The following LRRC20 variants were observed in gnomAD, a reference collection of about 807,000 sequenced individuals.
LRRC20 encodes the protein leucine-rich repeat-containing protein 20.
LRRC20 carries 11 observed loss-of-function variants against 14.4 expected under a neutral mutation model. The observed-to-expected ratio is 0.77, with a 90% confidence interval of 0.48 to 1.27. The LOEUF (loss-of-function observed/expected upper bound fraction) is 1.27, where lower values mean the gene tolerates loss of function less well. Among genes scored for constraint, LRRC20 ranks in the 50% most tolerant of loss-of-function variants. The probability of loss-of-function intolerance (pLI) is 0.00; values close to 1 mark genes in which losing one functional copy is unlikely to be tolerated. For missense variants in LRRC20, 219 were observed against 251.2 expected (o/e 0.87, Z 0.87); for synonymous variants, 121 against 107.3 (o/e 1.13, Z -0.79).
intron 1 of LRRC20, among the ~76,000 whole-genome samples, chr10:70,377,180 C>A (rs1275795642): frequency 6.6e-6 from 1 of 152,170 alleles, no homozygotes; most frequent in East Asian, 1.9e-4. Flanking sequence ...ATTCCTTTCC[C>A]ATGTGCCAAC....
rs558563201 is a variant in LRRC20, at chr10:70,302,750, G to A, written c.401-1242C>T. On this transcript the variant is annotated intron_variant, in intron 4 of 4. Transcript: ENST00000446961. Reference sequence around the variant, plus strand: ...TTTTGAGACGGAGTTTCGCTCTGTCGCCCAGGCTGGAGTGCAGTGGCGCGA... The same window carrying A: ...TTTTGAGACGGAGTTTCGCTCTGTCACCCAGGCTGGAGTGCAGTGGCGCGA... 8.8e-5 allele frequency among the ~76,000 whole-genome samples: 13 copies of A among 147,754 alleles called. No individual in the cohort carries two copies. The East Asian group carries it at 1.2e-3, about 13-fold the overall frequency.
Position 70,324,002 on chromosome 10 carries a change from G to A in LRRC20, c.261C>T (p.His87=), listed in dbSNP as rs757066144. 3 of 1,614,132 alleles carry A rather than the reference G, an allele frequency of 1.9e-6. No homozygotes were observed. The highest frequency in any genetic ancestry group is 2.2e-5 in the East Asian group (1 of 44,884). ...GGGCACTGACCTCGCTGGGGAGGCG[G>A]TGTAGGAAGTTCCCCTCCAGGTGGA... The part of the protein sequence containing the change: ...RELHLEGNFL[H]RLPSEVSALQ... Residue 87 remains histidine (H), a synonymous_variant, in exon 4 of 5, where the codon CAC becomes CAT. Transcript: ENST00000446961.
At chr10:70,338,139 G>A (rs1356511659) in intron 3 of LRRC20, among the ~76,000 whole-genome samples, 2 of 152,162 alleles carry the variant, frequency 1.3e-5, no homozygotes, top group Non-Finnish European at 2.9e-5. Flanking sequence ...AGCTTTTCAG[G>A]CACAAATGCA....
At chr10:70,364,516 C>T (rs1843891648) in intron 2 of LRRC20, among the ~76,000 whole-genome samples, 1 of 152,158 alleles carries the variant, frequency 6.6e-6, no homozygotes, top group Non-Finnish European at 1.5e-5. Context: ...TACTCTTGTT[C>T]AGAAAAGGGG....
intron 3 of LRRC20, among the ~76,000 whole-genome samples, chr10:70,340,137 A>G (rs1211448358): frequency 1.3e-5 from 2 of 151,792 alleles, no homozygotes; most frequent in Non-Finnish European, 2.9e-5. Context: ...AAAAAAAGAA[A>G]AGAAAATGCC....
chr10:70,363,155 G>A, intron 2 of LRRC20, among the ~76,000 whole-genome samples: 1 of 150,924 alleles, frequency 6.6e-6, no homozygotes, highest in Non-Finnish European at 1.5e-5. Flanking sequence ...ATGTGTGCCT[G>A]TAGTCCCAGC....
chr10:70,368,448 C>T (rs985396090), intron 2 of LRRC20, among the ~76,000 whole-genome samples: 5 of 151,844 alleles, frequency 3.3e-5, no homozygotes, highest in Non-Finnish European at 7.4e-5. Flanking sequence ...TGAGCCACCG[C>T]GCCCGGCCAT....
At chr10:70,349,191 C>T (rs561155795) in intron 2 of LRRC20, among the ~76,000 whole-genome samples, 204 of 152,278 alleles carry the variant, frequency 1.3e-3, no homozygotes, top group African/African-American at 4.7e-3. Context: ...ACGTGAGGAC[C>T]GCATCAAGCA....
At chr10:70,326,656 A>T (rs1211563093) in intron 3 of LRRC20, among the ~76,000 whole-genome samples, 2 of 152,060 alleles carry the variant, frequency 1.3e-5, no homozygotes, top group Non-Finnish European at 2.9e-5. Flanking sequence ...AAACCACAGA[A>T]CGCTGCTATC....
intron 2 of LRRC20, among the ~76,000 whole-genome samples, chr10:70,364,072 G>A (rs1843869232): frequency 6.6e-6 from 1 of 152,228 alleles, no homozygotes; most frequent in African/African-American, 2.4e-5. Context: ...AGCCATCTGG[G>A]AGCTGCTGTG....
chr10:70,316,887 T>G (rs921750511), intron 4 of LRRC20, among the ~76,000 whole-genome samples: 1 of 152,192 alleles, frequency 6.6e-6, no homozygotes, highest in Non-Finnish European at 1.5e-5. Flanking sequence ...AGCAAGGGCA[T>G]GCGGGGCAGA....
At chr10:70,354,664 T>C (rs1423584683) in intron 2 of LRRC20, among the ~76,000 whole-genome samples, 1 of 152,136 alleles carries the variant, frequency 6.6e-6, no homozygotes, top group Non-Finnish European at 1.5e-5. Flanking sequence ...AGTAACTGAG[T>C]GCTGGCTGCT....
rs1841121142 is a variant in LRRC20, at chr10:70,300,260, C to T, written c.*1094G>A. ...GGCCCTCTCCTGGTAGGGGACCAAC[C>T]ATCCCCACTTGCTGGGTACTGTCCC... On this transcript the variant is annotated 3_prime_UTR_variant, in exon 5 of 5. Transcript: ENST00000446961. The T allele has an allele frequency of 5.7e-6, 4 of 699,424 alleles. No individual in the cohort carries two copies. The highest frequency in any genetic ancestry group is 6.3e-5 in the Admixed American group (1 of 15,940). 43.3% of individuals were successfully genotyped at this position (699,424 alleles called of 1,614,324 possible).
chr10:70,343,314 G>C (rs1437228145), intron 2 of LRRC20, among the ~76,000 whole-genome samples: 1 of 152,186 alleles, frequency 6.6e-6, no homozygotes, highest in Non-Finnish European at 1.5e-5. Context: ...GTAAGGCAGG[G>C]GTTCCAGTTG....
At chr10:70,361,308 G>A (rs532399062) in intron 2 of LRRC20, among the ~76,000 whole-genome samples, 96 of 152,366 alleles carry the variant, frequency 6.3e-4, no homozygotes, top group Middle Eastern at 3.4e-3. Context: ...AGCACTGTCC[G>A]AGGATATGAT....
Position 70,301,295 on chromosome 10 carries a change from T to C in LRRC20, c.*59A>G. 4 of 1,519,674 alleles carry C rather than the reference T, an allele frequency of 2.6e-6. No individual in the cohort carries two copies. Among genetic ancestry groups the C allele is most frequent in the Non-Finnish European group, 2.7e-6 (3 of 1,129,320 alleles). 94.1% of individuals were successfully genotyped at this position (1,519,674 alleles called of 1,614,324 possible). ...TTGGCCTCCCATGGGCCTCCCTCCC[T>C]TCCAGGGTTCCAGGCCTGTGGCCTC... is the stretch of plus-strand genomic sequence containing the variant. On this transcript the variant is annotated 3_prime_UTR_variant, in exon 5 of 5. Coordinates refer to ENST00000446961, the MANE Select transcript of LRRC20 (RefSeq NM_001278212.2).
intron 4 of LRRC20, among the ~76,000 whole-genome samples, chr10:70,319,876 C>G (rs1842008650): frequency 1.3e-5 from 2 of 152,184 alleles, no homozygotes; most frequent in South Asian, 4.1e-4. Context: ...CAACTGTGTC[C>G]TGGCAGGCCA....
At chr10:70,381,228 TAACTTTTGGGAAAGGACTTTGCG>T (rs1589137816) in intron 1 of LRRC20, among the ~76,000 whole-genome samples, 1 of 152,220 alleles carries the variant, frequency 6.6e-6, no homozygotes, top group African/African-American at 2.4e-5. Context: ...AACTGATATG[TAACTTTTGGGAAAGGACTTTGCG>T]AACCATTACA....
At chr10:70,323,778 C>A in intron 4 of LRRC20, 85 bp downstream of exon 4, 2 of 1,460,740 alleles carry the variant, frequency 1.4e-6, no homozygotes, top group Non-Finnish European at 1.9e-6. Flanking sequence ...CTTCTCCTCC[C>A]ACCTGTGAAG....
Sources: allele counts gnomAD v4.1 joint callset (sites outside exome capture counted in the v4.1 genomes callset), GRCh38; gene constraint gnomAD v4.1.1; transcripts MANE v1.5; gene names NCBI Gene and HGNC (gene_info 2026-07-23, HGNC 2026-07-21).